The following RASAL2 variants were observed in gnomAD, a reference collection of about 807,000 sequenced individuals.
RASAL2 encodes ras GTPase-activating protein nGAP.
RASAL2 carries 58 observed loss-of-function variants against 128.9 expected under a neutral mutation model. The ratio of observed to expected loss-of-function variants is 0.45; its 90% CI spans 0.36 to 0.56. The LOEUF is 0.56. Ranked by LOEUF, RASAL2 falls within the 20% of genes least tolerant of loss-of-function variation. RASAL2 has a pLI of 0.00. For synonymous variants in RASAL2, 561 were observed against 580.8 expected, an observed-to-expected ratio of 0.97 and a Z score of 0.49; for missense variants, 1,360 against 1,601.6, an observed-to-expected ratio of 0.85 and a Z score of 2.57.
intron 1 of RASAL2, among the ~76,000 whole-genome samples, chr1:178,130,308 G>A (rs987901224): frequency 2.0e-5 from 3 of 152,156 alleles, no homozygotes; most frequent in Non-Finnish European, 4.4e-5. Context: ...GACTTTGGAG[G>A]TTGAAGGTTA....
chr1:178,473,859 A>G lies in RASAL2; in HGVS notation c.*620A>G, dbSNP rs1648495969. The G allele has an allele frequency of 6.5e-6, 1 of 152,778 alleles. No homozygotes were observed. The highest frequency in any genetic ancestry group is 6.5e-5 in the Admixed American group (1 of 15,288). The allele number at this position is 152,778 out of a possible 1,614,324, so 9.5% of individuals were successfully genotyped here. A position where few individuals can be genotyped will look rare whatever the true frequency, so the allele number is the denominator to read the frequency against. On this transcript the variant is annotated 3_prime_UTR_variant, in exon 18 of 18. Transcript: ENST00000367649. Reference sequence around the variant, plus strand: ...GTTGGACAGCTAATCTGATTTGGGGATTCACTGTTTCAGAGGACACAGACA... The same window carrying G: ...GTTGGACAGCTAATCTGATTTGGGGGTTCACTGTTTCAGAGGACACAGACA...
At chr1:178,158,330 T>C (rs1008667479) in intron 1 of RASAL2, among the ~76,000 whole-genome samples, 8 of 152,320 alleles carry the variant, frequency 5.3e-5, no homozygotes, top group African/African-American at 1.9e-4. Flanking sequence ...AACAAAGTAG[T>C]GGACTAAGTC....
intron 4 of RASAL2, among the ~76,000 whole-genome samples, chr1:178,403,940 A>G (rs1171954638): frequency 1.3e-5 from 2 of 152,146 alleles, no homozygotes; most frequent in African/African-American, 4.8e-5. Context: ...GTAGGAAACT[A>G]TTAAGGTCGG....
At chr1:178,161,362 A>G (rs1661288245) in intron 1 of RASAL2, among the ~76,000 whole-genome samples, 1 of 152,182 alleles carries the variant, frequency 6.6e-6, no homozygotes, top group African/African-American at 2.4e-5. Flanking sequence ...TTTCACATAA[A>G]TAGAATATAC....
chr1:178,452,219 C>T (rs1677424990), intron 10 of RASAL2, among the ~76,000 whole-genome samples, 197 bp from the exon 11 acceptor site: 1 of 152,124 alleles, frequency 6.6e-6, no homozygotes, highest in South Asian at 2.1e-4. Flanking sequence ...CCTTGGGTTT[C>T]CAGTCTCCAT....
At position 178,441,639 on chromosome 1, in the gene RASAL2, C is replaced by A; in HGVS notation, c.919C>A (p.Pro307Thr). 6.2e-7 allele frequency: 1 copy of A among 1,609,790 alleles called. No homozygotes were observed. Among genetic ancestry groups the A allele is most frequent in the Non-Finnish European group, 8.5e-7 (1 of 1,176,806 alleles). The change falls in exon 7 of 18, where the codon CCT becomes ACT. Residue 307 changes from proline to threonine, a missense_variant. Physicochemically the swap from Pro to Thr is conservative, Grantham distance 38. Coordinates refer to ENST00000367649, the MANE Select transcript of RASAL2 (RefSeq NM_170692.4). ...GGAAAACCTTCGCAGGACAGTTCAA[C>A]CTAATAAGGTAATAGTAGCTTCAAG... ...WMENLRRTVQPNKDNCRRAEN... is the reference protein window; with the variant it reads ...WMENLRRTVQTNKDNCRRAEN...
intron 4 of RASAL2, among the ~76,000 whole-genome samples, chr1:178,404,333 G>C (rs1003409814): frequency 1.3e-5 from 2 of 151,852 alleles, no homozygotes; most frequent in Admixed American, 1.3e-4. Context: ...CTGAACATAT[G>C]AAAACAATGT....
At chr1:178,351,732 GAA>G (rs571231229) in intron 3 of RASAL2, among the ~76,000 whole-genome samples, 4 of 111,018 alleles carry the variant, frequency 3.6e-5, no homozygotes, top group Admixed American at 9.6e-5. Context: ...CTATCTCAAG[GAA>G]AAAAAAAAAA....
At chr1:178,339,506 C>A (rs992433581) in intron 3 of RASAL2, among the ~76,000 whole-genome samples, 1 of 152,048 alleles carries the variant, frequency 6.6e-6, no homozygotes, top group Non-Finnish European at 1.5e-5. Context: ...AGAAAGTGGC[C>A]GAAATTCATG....
chr1:178,397,739 G>A (rs866287954), intron 4 of RASAL2, among the ~76,000 whole-genome samples: 1 of 151,390 alleles, frequency 6.6e-6, no homozygotes, highest in African/African-American at 2.4e-5. Flanking sequence ...CTGTGAAGCT[G>A]GAACCACAAG....
At chr1:178,241,745 A>G (rs1664506952) in intron 1 of RASAL2, among the ~76,000 whole-genome samples, 1 of 152,206 alleles carries the variant, frequency 6.6e-6, no homozygotes, top group East Asian at 1.9e-4. Context: ...TCTTGGACAA[A>G]CTTACTCTTC....
At chr1:178,271,221 C>G (rs1666239764) in intron 1 of RASAL2, among the ~76,000 whole-genome samples, 1 of 152,134 alleles carries the variant, frequency 6.6e-6, no homozygotes, top group Non-Finnish European at 1.5e-5. Context: ...TAGGTTGGTT[C>G]TTAGCTTTTC....
At chr1:178,298,477 G>A (rs747047321) in intron 2 of RASAL2, among the ~76,000 whole-genome samples, 3 of 152,100 alleles carry the variant, frequency 2.0e-5, no homozygotes, top group African/African-American at 7.2e-5. Context: ...TTTGCTCCTC[G>A]GATTCTCAGT....
At chr1:178,306,341 A>G (rs1667988849) in intron 3 of RASAL2, among the ~76,000 whole-genome samples, 1 of 152,170 alleles carries the variant, frequency 6.6e-6, no homozygotes, top group African/African-American at 2.4e-5. Context: ...TATTGTGAAT[A>G]GTGCCGCAAT....
intron 4 of RASAL2, among the ~76,000 whole-genome samples, chr1:178,419,635 A>T (rs1043702399): frequency 2.6e-5 from 4 of 152,278 alleles, no homozygotes; most frequent in Admixed American, 2.6e-4. Context: ...CCTGCCAATG[A>T]CAGAATTGTA....
At chr1:178,287,069 C>G (rs1667063452) in intron 2 of RASAL2, among the ~76,000 whole-genome samples, 1 of 152,064 alleles carries the variant, frequency 6.6e-6, no homozygotes, top group Non-Finnish European at 1.5e-5. Flanking sequence ...TCTCTCTCCC[C>G]TGAGTTCCAT....
At chr1:178,271,922 G>A (rs1259432181) in intron 1 of RASAL2, among the ~76,000 whole-genome samples, 1 of 152,056 alleles carries the variant, frequency 6.6e-6, no homozygotes, top group Non-Finnish European at 1.5e-5. Flanking sequence ...TAGGACCACC[G>A]TCTTCCTCAA....
intron 12 of RASAL2, chr1:178,456,368 A>C (rs1677774477): frequency 3.3e-6 from 1 of 306,114 alleles, no homozygotes; most frequent in Non-Finnish European, 6.3e-6. Flanking sequence ...CCCCACCTTG[A>C]TCTACTAGCC....
chr1:178,460,728 C>A (rs1678133607), intron 14 of RASAL2, among the ~76,000 whole-genome samples: 1 of 152,128 alleles, frequency 6.6e-6, no homozygotes, highest in Non-Finnish European at 1.5e-5. Flanking sequence ...GCATAAATCA[C>A]CGTATTTTGA....
Sources: allele counts gnomAD v4.1 joint callset (sites outside exome capture counted in the v4.1 genomes callset), GRCh38; gene constraint gnomAD v4.1.1; transcripts MANE v1.5; gene names NCBI Gene and HGNC (gene_info 2026-07-23, HGNC 2026-07-21).